The following KAZN variants were observed in gnomAD, a reference collection of about 807,000 sequenced individuals.
KAZN encodes kazrin.
A neutral mutation model predicts 87.4 loss-of-function variants in KAZN; 40 were observed. The ratio of observed to expected loss-of-function variants is 0.46; its 90% CI spans 0.36 to 0.60. The LOEUF (loss-of-function observed/expected upper bound fraction) is 0.60. Among genes scored for constraint, KAZN ranks in the 20% least tolerant of loss-of-function variants. KAZN has a pLI of 0.00. For missense variants in KAZN, 898 were observed against 1,073.9 expected (o/e 0.84, Z 2.29); for synonymous variants, 466 against 458.3 (o/e 1.02, Z -0.22).
intron 1 of KAZN, among the ~76,000 whole-genome samples, chr1:14,659,104 G>A (rs201852140): frequency 3.9e-5 from 6 of 152,040 alleles, no homozygotes; most frequent in South Asian, 2.1e-4. Flanking sequence ...TGGGCATGGC[G>A]GTGCACATCT....
At chr1:15,005,378 C>T (rs1266250892) in intron 2 of KAZN, among the ~76,000 whole-genome samples, 3 of 152,222 alleles carry the variant, frequency 2.0e-5, no homozygotes, top group Non-Finnish European at 4.4e-5. Flanking sequence ...TGCTCCACAC[C>T]TCCCCGAGAC....
intron 1 of KAZN, among the ~76,000 whole-genome samples, chr1:14,049,037 T>C (rs988420041): frequency 2.6e-5 from 4 of 152,186 alleles, no homozygotes; most frequent in African/African-American, 9.7e-5. Flanking sequence ...GCAGCACTAT[T>C]CACAATAGCA....
chr1:14,011,897 ATC>A (rs1640331522), intron 1 of KAZN, among the ~76,000 whole-genome samples: 1 of 152,162 alleles, frequency 6.6e-6, no homozygotes, highest in East Asian at 1.9e-4. Context: ...CTTGAATCAC[ATC>A]TGTCTCCTGC....
At chr1:14,841,405 CAAAAAAAAAAAAAA>C (rs57248871) in intron 1 of KAZN, among the ~76,000 whole-genome samples, 23 of 88,868 alleles carry the variant, frequency 2.6e-4, no homozygotes, top group Non-Finnish European at 3.1e-4. Context: ...GACTCCGTCT[CAAAAAAAAAAAAAA>C]AAAAAAAAAA....
At chr1:13,950,549 G>A (rs1641306573) in intron 1 of KAZN, among the ~76,000 whole-genome samples, 1 of 152,200 alleles carries the variant, frequency 6.6e-6, no homozygotes, top group Admixed American at 6.5e-5. Flanking sequence ...AGACTATCAG[G>A]AAACAGCATC....
chr1:14,900,940 T>A (rs576125428), intron 1 of KAZN, among the ~76,000 whole-genome samples: 16 of 152,254 alleles, frequency 1.1e-4, no homozygotes, highest in Non-Finnish European at 1.9e-4. Context: ...TTGCATAAAC[T>A]CTCTGTCCGC....
intron 1 of KAZN, among the ~76,000 whole-genome samples, chr1:13,930,258 T>C (rs1344760206): frequency 6.6e-6 from 1 of 152,232 alleles, no homozygotes. Context: ...GTCTCACGTT[T>C]CTGCTACCTG....
chr1:14,360,469 G>C (rs28853601), intron 2 of KAZN, among the ~76,000 whole-genome samples: 1 of 152,028 alleles, frequency 6.6e-6, no homozygotes, highest in Non-Finnish European at 1.5e-5. Context: ...TTCTCCATCC[G>C]GTTTTGTTCC....
chr1:14,417,248 C>G (rs1664869622), intron 2 of KAZN, among the ~76,000 whole-genome samples: 1 of 151,982 alleles, frequency 6.6e-6, no homozygotes, highest in African/African-American at 2.4e-5. Flanking sequence ...TGTTATTATT[C>G]CATTGATGAA....
At chr1:14,788,187 C>G (rs1250373009) in intron 1 of KAZN, among the ~76,000 whole-genome samples, 1 of 152,200 alleles carries the variant, frequency 6.6e-6, no homozygotes, top group Non-Finnish European at 1.5e-5. Flanking sequence ...AGCCCTGTCT[C>G]AGTGCTACCA....
intron 4 of KAZN, among the ~76,000 whole-genome samples, chr1:15,055,636 C>T (rs1227401894): frequency 6.6e-6 from 1 of 152,210 alleles, no homozygotes; most frequent in Non-Finnish European, 1.5e-5. Context: ...ACTTCTTCTA[C>T]TTGTTGTATG....
intron 1 of KAZN, among the ~76,000 whole-genome samples, chr1:14,060,074 T>A (rs1167049729): frequency 6.6e-6 from 1 of 151,916 alleles, no homozygotes; most frequent in African/African-American, 2.4e-5. Flanking sequence ...ATAGTTCTTT[T>A]AAGAATGAGC....
chr1:14,316,392 A>G (rs1224110604), intron 2 of KAZN, among the ~76,000 whole-genome samples: 1 of 152,028 alleles, frequency 6.6e-6, no homozygotes, highest in Non-Finnish European at 1.5e-5. Flanking sequence ...TAATATCTGC[A>G]GGGTCTCTAG....
chr1:14,829,267 C>A (rs1047416392), intron 1 of KAZN, among the ~76,000 whole-genome samples: 1 of 152,172 alleles, frequency 6.6e-6, no homozygotes, highest in Non-Finnish European at 1.5e-5. Flanking sequence ...TTGATTCCCT[C>A]AACACATATT....
rs575173699 is a variant in KAZN at position 15,081,452 on chromosome 1, G to T, written c.1223-12728G>T. ...AACCAGGCCCAGCGCCTGCTCATGT[G>T]CAGTTTATGGTCTGGTGGGAGACAC... On this transcript the variant is annotated intron_variant, in intron 8 of 14. Transcript: ENST00000376030. This position sits in a 1 kb window ranked among gnomAD's most constrained non-coding sequence, Gnocchi z 4.1. Among the ~76,000 whole-genome samples the T allele has an allele frequency of 6.6e-6, 1 of 152,350 alleles. No individual in the cohort carries two copies. The highest frequency in any genetic ancestry group is 2.1e-4 in the South Asian group (1 of 4,828).
intron 1 of KAZN, among the ~76,000 whole-genome samples, chr1:14,622,571 T>A (rs892190567): frequency 6.6e-6 from 1 of 151,430 alleles, no homozygotes; most frequent in African/African-American, 2.4e-5. Context: ...GGTGCCTGTA[T>A]TCCCAGCTAC....
At chr1:14,012,663 G>A (rs12565634) in intron 1 of KAZN, among the ~76,000 whole-genome samples, 21,325 of 152,102 alleles carry the variant, frequency 0.14, 1,579 homozygotes, top group South Asian at 0.23. Flanking sequence ...AAATTAGCTC[G>A]GCGTGTTGGC....
intron 1 of KAZN, among the ~76,000 whole-genome samples, chr1:14,832,695 G>A (rs1647084291): frequency 6.6e-6 from 1 of 152,186 alleles, no homozygotes; most frequent in South Asian, 2.1e-4. Flanking sequence ...CTGGGCTAAT[G>A]CACAGCCCAC....
intron 1 of KAZN, among the ~76,000 whole-genome samples, chr1:14,862,398 C>T (rs1650969789): frequency 6.6e-6 from 1 of 152,110 alleles, no homozygotes; most frequent in African/African-American, 2.4e-5. Flanking sequence ...AGGCCAATAC[C>T]TACAGGAGTT....
Sources: gnomAD v4.1 joint callset for allele counts (sites outside exome capture counted in the v4.1 genomes callset) on GRCh38, gnomAD v4.1.1 for gene constraint, Gnocchi (gnomAD v3.1) non-coding constraint, MANE v1.5 for transcripts, NCBI Gene and HGNC (gene_info 2026-07-23, HGNC 2026-07-21) for gene names.